The following KCNT2 variants were observed in gnomAD, a reference collection of about 807,000 sequenced individuals.
The protein encoded by KCNT2 is potassium sodium-activated channel subfamily T member 2.
Under a neutral mutation model 153.8 loss-of-function variants are expected in KCNT2, and 67 were observed. The observed-to-expected ratio is 0.44, with a 90% CI of 0.36 to 0.53. The LOEUF is 0.53. Among genes scored for constraint, KCNT2 ranks in the 20% least tolerant of loss-of-function variants. KCNT2 has a pLI of 0.00. For missense variants in KCNT2, 975 were observed against 1,354.8 expected (o/e 0.72, Z 4.40); for synonymous variants, 500 against 458.8 (o/e 1.09, Z -1.15).
chr1:196,346,199 T>C (rs938850801), intron 14 of KCNT2, among the ~76,000 whole-genome samples: 5 of 152,148 alleles, frequency 3.3e-5, no homozygotes, highest in Admixed American at 3.3e-4. Context: ...TGTTTGTATA[T>C]TTTTCACTGC....
At chr1:196,290,550 G>A (rs965147457) in intron 22 of KCNT2, among the ~76,000 whole-genome samples, 21 of 151,282 alleles carry the variant, frequency 1.4e-4, no homozygotes, top group African/African-American at 4.9e-4. Flanking sequence ...GTGTGTGTGT[G>A]TGTATATGTA....
intron 1 of KCNT2, among the ~76,000 whole-genome samples, chr1:196,565,719 G>A (rs1028925918): frequency 3.9e-4 from 59 of 151,494 alleles, no homozygotes; most frequent in African/African-American, 1.3e-3. Context: ...GCCAAACACA[G>A]AAAGACAAAT....
chr1:196,273,131 A>C (rs1051624921), intron 25 of KCNT2, among the ~76,000 whole-genome samples: 1 of 151,892 alleles, frequency 6.6e-6, no homozygotes, highest in African/African-American at 2.4e-5. Context: ...TACTCTAAAA[A>C]GTTGAAAAGC....
chr1:196,550,643 G>A (rs533469883), intron 1 of KCNT2, among the ~76,000 whole-genome samples: 1 of 151,714 alleles, frequency 6.6e-6, no homozygotes, highest in Admixed American at 6.6e-5. Context: ...ATAAGCACAG[G>A]ACCACTTGCA....
intron 1 of KCNT2, among the ~76,000 whole-genome samples, chr1:196,601,363 G>C (rs945957464): frequency 2.6e-5 from 4 of 152,194 alleles, no homozygotes; most frequent in Non-Finnish European, 5.9e-5. Flanking sequence ...GTTCGCATAT[G>C]TATTTTTAAA....
At chr1:196,482,257 G>A in intron 4 of KCNT2, 74 bp downstream of exon 4, 1 of 891,548 alleles carries the variant, frequency 1.1e-6, no homozygotes. Flanking sequence ...AACATCAAAA[G>A]CTCTCCAATA....
At chr1:196,483,847 A>T (rs1308651492) in intron 3 of KCNT2, among the ~76,000 whole-genome samples, 1 of 152,158 alleles carries the variant, frequency 6.6e-6, no homozygotes, top group Non-Finnish European at 1.5e-5. Context: ...TATAAACCCA[A>T]TGCCTTGCTA....
rs1665504199 is a variant in KCNT2 at position 196,340,416 on chromosome 1, T to C, written c.1708A>G (p.Arg570Gly). 6.2e-7 allele frequency: 1 copy of C among 1,612,944 alleles called. No individual in the cohort carries two copies. Among genetic ancestry groups the C allele is most frequent in the South Asian group, 1.1e-5 (1 of 91,050 alleles). ...NSAFKNQDQQ[R>G]KSNVSRSFYH... is the part of the protein sequence containing the mutation. Reference sequence around the variant, plus strand: ...AACGACCTGGACACATTGCTTTTTCTCTGCTGGTCTTGGTTTTTAAATGCT... The same window carrying C: ...AACGACCTGGACACATTGCTTTTTCCCTGCTGGTCTTGGTTTTTAAATGCT... The change falls in exon 16 of 28, where the codon AGA becomes GGA. Residue 570 changes from arginine to glycine, a missense_variant. This residue lies in a region of KCNT2 where 325 missense variants were observed against 388.1 expected (regional missense o/e 0.84). Transcript: ENST00000294725.
At chr1:196,431,026 G>A (rs1201454494) in intron 8 of KCNT2, among the ~76,000 whole-genome samples, 1 of 152,092 alleles carries the variant, frequency 6.6e-6, no homozygotes, top group East Asian at 1.9e-4. Flanking sequence ...TTATAAAAGT[G>A]TTGGAGGGAA....
At chr1:196,463,121 G>T (rs972526848) in intron 8 of KCNT2, among the ~76,000 whole-genome samples, 28 of 151,716 alleles carry the variant, frequency 1.8e-4, no homozygotes, top group Non-Finnish European at 2.2e-4. Context: ...GTATCAAGCT[G>T]GGGAAACAGT....
intron 14 of KCNT2, among the ~76,000 whole-genome samples, chr1:196,351,888 T>G (rs917753598): frequency 1.3e-5 from 2 of 152,200 alleles, no homozygotes; most frequent in African/African-American, 4.8e-5. Flanking sequence ...CATCAATACC[T>G]AATTTATTGA....
chr1:196,453,897 C>T (rs1676432903), intron 8 of KCNT2, among the ~76,000 whole-genome samples: 1 of 151,922 alleles, frequency 6.6e-6, no homozygotes, highest in South Asian at 2.1e-4. Flanking sequence ...TATCTTTAGC[C>T]CCCTAGAAGT....
chr1:196,366,140 T>C (rs764949578), intron 14 of KCNT2, among the ~76,000 whole-genome samples: 3 of 151,884 alleles, frequency 2.0e-5, no homozygotes, highest in Admixed American at 6.6e-5. Flanking sequence ...ATGTCTTCTT[T>C]ATTTACTTAT....
intron 1 of KCNT2, among the ~76,000 whole-genome samples, chr1:196,556,578 A>C (rs1658698437): frequency 6.6e-6 from 1 of 151,388 alleles, no homozygotes; most frequent in African/African-American, 2.4e-5. Context: ...TTGGTAGTTC[A>C]TCAGAAAACT....
intron 1 of KCNT2, among the ~76,000 whole-genome samples, chr1:196,498,455 A>G (rs1035888151): frequency 3.9e-5 from 6 of 152,056 alleles, no homozygotes; most frequent in African/African-American, 1.2e-4. Flanking sequence ...ATTCTGCAAT[A>G]TTGGTCATGG....
chr1:196,591,606 C>T (rs1239438380), intron 1 of KCNT2, among the ~76,000 whole-genome samples: 3 of 152,146 alleles, frequency 2.0e-5, no homozygotes, highest in Admixed American at 6.5e-5. Context: ...ATCTCCAATG[C>T]TCTCATAGTA....
chr1:196,453,181 G>A (rs1391314879), intron 8 of KCNT2, among the ~76,000 whole-genome samples: 1 of 151,910 alleles, frequency 6.6e-6, no homozygotes, highest in South Asian at 2.1e-4. Context: ...CCTGGCTTTT[G>A]TGGAGTGTGT....
At chr1:196,273,210 C>G (rs1658231690) in intron 25 of KCNT2, among the ~76,000 whole-genome samples, 1 of 151,758 alleles carries the variant, frequency 6.6e-6, no homozygotes, top group African/African-American at 2.4e-5. Flanking sequence ...TCATTATTAA[C>G]TTTAATTAGC....
intron 1 of KCNT2, among the ~76,000 whole-genome samples, chr1:196,517,619 A>G (rs1652757602): frequency 6.6e-6 from 1 of 152,228 alleles, no homozygotes; most frequent in Non-Finnish European, 1.5e-5. Flanking sequence ...AGAAATTCAC[A>G]ATGCAATCGC....
Sources: gnomAD v4.1 joint callset for allele counts (sites outside exome capture counted in the v4.1 genomes callset) on GRCh38, gnomAD v4.1.1 for gene constraint, gnomAD v4.1.1 regional missense constraint, MANE v1.5 for transcripts, NCBI Gene and HGNC (gene_info 2026-07-23, HGNC 2026-07-21) for gene names.